The following CA10 variants were observed in gnomAD, a reference collection of about 807,000 sequenced individuals.
CA10 encodes carbonic anhydrase 10 (inactive), also known as carbonic anhydrase-related protein 10.
In CA10, 14 loss-of-function variants were observed where a neutral mutation model predicts 44.2. The observed-to-expected ratio is 0.32, with a 90% CI of 0.21 to 0.50. CA10 has a LOEUF of 0.50. Among genes scored for constraint, CA10 ranks in the 20% least tolerant of loss-of-function variants. The pLI, the probability that CA10 is intolerant of heterozygous loss-of-function variation, is 0.99. For synonymous variants in CA10, 159 were observed against 141.6 expected, an observed-to-expected ratio of 1.12 and a Z score of -0.87; for missense variants, 350 against 409.7, an observed-to-expected ratio of 0.85 and a Z score of 1.26.
chr17:52,078,644 C>G (rs929407250), intron 1 of CA10, among the ~76,000 whole-genome samples: 1 of 152,190 alleles, frequency 6.6e-6, no homozygotes, highest in Non-Finnish European at 1.5e-5. Context: ...TAAAAAAGTA[C>G]TTCTAACATT....
chr17:51,940,261 T>G (rs1983026725), intron 2 of CA10, among the ~76,000 whole-genome samples: 1 of 152,146 alleles, frequency 6.6e-6, no homozygotes, highest in Non-Finnish European at 1.5e-5. Context: ...TGTATTCTTG[T>G]GTAAGTGTCA....
At position 52,079,843 on chromosome 17, in the gene CA10, CTCTG is replaced by C. The variant is rs138462905; in HGVS notation, c.62-7454_62-7451del. Among the ~76,000 whole-genome samples the C allele has an allele frequency of 2.0e-3, 301 of 152,280 alleles. 2 individuals carry two copies. The highest frequency in any genetic ancestry group is 6.7e-3 in the African/African-American group (278 of 41,528). On this transcript the variant is annotated intron_variant, in intron 1 of 8. Coordinates refer to ENST00000451037, the MANE Select transcript of CA10 (RefSeq NM_020178.5). ...GTGTCATACCTGGAACTATTTACAT[CTCTG>C]TCTTTCTTTGCTTTTCCTGAATTCG...
intron 1 of CA10, among the ~76,000 whole-genome samples, chr17:52,125,567 T>C (rs997117831): frequency 7.2e-5 from 11 of 152,172 alleles, no homozygotes; most frequent in Non-Finnish European, 5.9e-5. Context: ...ACCCTATATG[T>C]AAATCTTAAC....
intron 1 of CA10, among the ~76,000 whole-genome samples, chr17:52,087,806 G>GC (rs1441776480): frequency 1.3e-5 from 2 of 152,232 alleles, no homozygotes; most frequent in Admixed American, 6.5e-5. Context: ...AGTGTTTTAT[G>GC]CCCCCCTTAT....
Position 51,931,076 on chromosome 17 carries a change from G to A in CA10, c.193C>T (p.Arg65Trp), listed in dbSNP as rs780948449. 29 of 1,613,502 alleles carry A rather than the reference G, an allele frequency of 1.8e-5. No homozygotes were observed. Among genetic ancestry groups the A allele is most frequent in the Admixed American group, 6.7e-5 (4 of 59,958 alleles). Residue 65 changes from arginine to tryptophan, a missense_variant, in exon 3 of 9, where the codon CGG (arginine) becomes TGG (tryptophan). Transcript: ENST00000451037. ...GTCTCTATGTTGACTGGCGACTGCC[G>A]TTTCCCCACAGAGCAAAGATTCCAA... ...SAWNLCSVGKRQSPVNIETSH... is the reference protein window; with the variant it reads ...SAWNLCSVGKWQSPVNIETSH...
intron 3 of CA10, among the ~76,000 whole-genome samples, chr17:51,873,670 C>A (rs540004362): frequency 6.6e-6 from 1 of 152,282 alleles, no homozygotes; most frequent in African/African-American, 2.4e-5. Context: ...CATGACTGGC[C>A]ATGGGTGTGC....
chr17:52,101,034 A>G (rs1988526411), intron 1 of CA10, among the ~76,000 whole-genome samples: 1 of 152,200 alleles, frequency 6.6e-6, no homozygotes. Flanking sequence ...ATGTAGTTGC[A>G]AAATTCAGAC....
chr17:51,907,754 C>A (rs1029110760), intron 3 of CA10, among the ~76,000 whole-genome samples: 1 of 152,136 alleles, frequency 6.6e-6, no homozygotes, highest in African/African-American at 2.4e-5. Context: ...CAGAGCTTTC[C>A]ACGAGGTCAG....
rs1424448084 is a variant in CA10 at position 51,696,577 on chromosome 17, A to G, written c.466-42841T>C. Among the ~76,000 whole-genome samples, 3 of 151,856 alleles carry G rather than the reference A, an allele frequency of 2.0e-5. No individual in the cohort carries two copies. The East Asian group carries it at 5.8e-4, about 29-fold the overall frequency. On this transcript the variant is annotated intron_variant, in intron 4 of 8. Transcript: ENST00000451037. ...CTTTGTATGGATTTTTGGGTTGCCAATTTCATTCAGTTCTGCTCAATTTTA... is the reference window on the plus strand; with the variant it reads ...CTTTGTATGGATTTTTGGGTTGCCAGTTTCATTCAGTTCTGCTCAATTTTA...
chr17:51,746,581 C>T (rs1347497320), intron 4 of CA10, among the ~76,000 whole-genome samples: 1 of 152,218 alleles, frequency 6.6e-6, no homozygotes, highest in Non-Finnish European at 1.5e-5. Context: ...TTGTACATCC[C>T]CATTACAGCA....
intron 1 of CA10, among the ~76,000 whole-genome samples, chr17:52,089,201 A>G (rs538481503): frequency 6.6e-6 from 1 of 152,316 alleles, no homozygotes; most frequent in African/African-American, 2.4e-5. Flanking sequence ...GTGTGCAAGA[A>G]ATACACCAAT....
intron 2 of CA10, among the ~76,000 whole-genome samples, chr17:51,948,306 G>T (rs548146677): frequency 6.6e-6 from 1 of 152,200 alleles, no homozygotes; most frequent in Non-Finnish European, 1.5e-5. Flanking sequence ...ACACTGGAAG[G>T]CTGGAGCTCT....
At chr17:52,128,572 T>G (rs1162755633) in intron 1 of CA10, among the ~76,000 whole-genome samples, 1 of 152,188 alleles carries the variant, frequency 6.6e-6, no homozygotes, top group East Asian at 1.9e-4. Flanking sequence ...TGAGAACCAT[T>G]TTCTTTATGG....
At chr17:52,071,737 T>C (rs1987685020) in intron 2 of CA10, among the ~76,000 whole-genome samples, 1 of 152,102 alleles carries the variant, frequency 6.6e-6, no homozygotes. Context: ...AGAGGACCAT[T>C]AAAAGCAAGA....
chr17:51,708,774 T>A (rs993689218), intron 4 of CA10, among the ~76,000 whole-genome samples: 2 of 152,202 alleles, frequency 1.3e-5, no homozygotes, highest in Non-Finnish European at 2.9e-5. Flanking sequence ...AGTCTTCCGA[T>A]CCTCATCCTT....
intron 3 of CA10, among the ~76,000 whole-genome samples, chr17:51,831,217 T>C (rs71381356): frequency 0.059 from 8,933 of 152,292 alleles, 347 homozygotes; most frequent in Non-Finnish European, 0.09. Context: ...GGTTGGACAT[T>C]GTTCTTGTCT....
chr17:51,636,775 T>TTTTGTG (rs1555577668), intron 6 of CA10, among the ~76,000 whole-genome samples: 2 of 146,512 alleles, frequency 1.4e-5, no homozygotes, highest in African/African-American at 2.6e-5. Context: ...ACTGATTATT[T>TTTTGTG]TGTGTGTGTG....
At chr17:52,062,477 A>G (rs1337069551) in intron 2 of CA10, among the ~76,000 whole-genome samples, 1 of 152,172 alleles carries the variant, frequency 6.6e-6, no homozygotes, top group Admixed American at 6.5e-5. Context: ...AAAAATTGGA[A>G]AAAGGTTTTT....
At chr17:51,763,805 C>G (rs950748811) in intron 3 of CA10, among the ~76,000 whole-genome samples, 24 of 152,100 alleles carry the variant, frequency 1.6e-4, no homozygotes, top group African/African-American at 5.6e-4. Context: ...CTGACATACA[C>G]TCATTCAACA....
Sources: gnomAD v4.1 joint callset for allele counts (sites outside exome capture counted in the v4.1 genomes callset) on GRCh38, gnomAD v4.1.1 for gene constraint, MANE v1.5 for transcripts, NCBI Gene and HGNC (gene_info 2026-07-23, HGNC 2026-07-21) for gene names.